PTPRD: variants seen among roughly 807,000 people sequenced by gnomAD.
PTPRD encodes receptor-type tyrosine-protein phosphatase delta.
PTPRD carries 34 observed loss-of-function variants against 214.5 expected under a neutral mutation model. The observed-to-expected ratio is 0.16, with a 90% CI of 0.12 to 0.21. The LOEUF (loss-of-function observed/expected upper bound fraction) is 0.21. PTPRD is among the 10% of genes least tolerant of loss of function. The probability of loss-of-function intolerance (pLI) is 1.00; values close to 1 mark genes in which losing one functional copy is unlikely to be tolerated. For synonymous variants in PTPRD, 1,128 were observed against 845.7 expected (o/e 1.33, Z -5.79); for missense variants, 2,545 against 2,398.7 (o/e 1.06, Z -1.27).
intron 2 of PTPRD, among the ~76,000 whole-genome samples, chr9:10,482,303 G>A (rs1310758862): frequency 2.6e-5 from 4 of 152,050 alleles, no homozygotes; most frequent in East Asian, 3.9e-4. Context: ...CCCGGGAGGT[G>A]GAGCTTACAG....
intron 14 of PTPRD, among the ~76,000 whole-genome samples, chr9:8,556,028 G>A (rs1363427464): frequency 1.3e-5 from 2 of 152,186 alleles, no homozygotes; most frequent in African/African-American, 4.8e-5. Context: ...GATCTGGAAA[G>A]AGCATGCTAC....
At chr9:8,445,103 C>G (rs1313046274) in intron 34 of PTPRD, among the ~76,000 whole-genome samples, 2 of 152,138 alleles carry the variant, frequency 1.3e-5, no homozygotes, top group African/African-American at 2.4e-5. Flanking sequence ...CCATCTTATT[C>G]CACTATCTGT....
In PTPRD at chr9:8,935,410, C is replaced by T. The variant is rs55808864; in HGVS notation, c.-104+83287G>A. Reference sequence around the variant, plus strand: ...TTAAGGATAAATTTAACCAGTGAATCGAAAGATCTGTACATAGAAAACACT... The same window carrying T: ...TTAAGGATAAATTTAACCAGTGAATTGAAAGATCTGTACATAGAAAACACT... On this transcript the variant is annotated intron_variant, in intron 11 of 45. Coordinates refer to ENST00000381196, the MANE Select transcript of PTPRD (RefSeq NM_002839.4). Among the ~76,000 whole-genome samples the T allele has an allele frequency of 6.3e-3, 347 of 55,154 alleles. 3 individuals carry two copies. Among genetic ancestry groups the T allele is most frequent in the South Asian group, 0.037 (41 of 1,106 alleles). The allele number at this position is 55,154 out of a possible 152,430, so 36.2% of individuals were successfully genotyped here.
At chr9:8,485,037 C>T (rs1419872192) in intron 29 of PTPRD, among the ~76,000 whole-genome samples, 190 bp downstream of exon 29, 3 of 152,174 alleles carry the variant, frequency 2.0e-5, no homozygotes, top group Non-Finnish European at 4.4e-5. Flanking sequence ...TAAGCTCCTG[C>T]TCCTTCTTCA....
At chr9:8,567,682 T>C (rs1458544231) in intron 14 of PTPRD, among the ~76,000 whole-genome samples, 1 of 152,218 alleles carries the variant, frequency 6.6e-6, no homozygotes, top group East Asian at 1.9e-4. Context: ...AAATTCAGTA[T>C]TTTTGGTACA....
At chr9:9,971,287 T>C (rs1458866492) in intron 4 of PTPRD, among the ~76,000 whole-genome samples, 3 of 152,164 alleles carry the variant, frequency 2.0e-5, no homozygotes, top group South Asian at 2.1e-4. Flanking sequence ...TAAATACAGA[T>C]GGATTTAAAT....
chr9:9,445,559 G>C (rs2090098905), intron 8 of PTPRD, among the ~76,000 whole-genome samples: 1 of 152,124 alleles, frequency 6.6e-6, no homozygotes, highest in Non-Finnish European at 1.5e-5. Context: ...ATGGCGGAAG[G>C]GGAAGCAAAC....
intron 12 of PTPRD, among the ~76,000 whole-genome samples, chr9:8,663,881 G>C (rs916008172): frequency 4.8e-5 from 7 of 147,182 alleles, no homozygotes; most frequent in African/African-American, 1.6e-4. Context: ...TACCAATTAA[G>C]TCTTCAAAGT....
At chr9:9,120,232 T>C (rs995444941) in intron 10 of PTPRD, among the ~76,000 whole-genome samples, 5 of 152,210 alleles carry the variant, frequency 3.3e-5, no homozygotes, top group Admixed American at 3.3e-4. Flanking sequence ...ACCAAATTTA[T>C]TTGAAGAAAG....
chr9:8,445,178 C>T (rs2095675756), intron 34 of PTPRD, among the ~76,000 whole-genome samples: 2 of 152,116 alleles, frequency 1.3e-5, no homozygotes, highest in African/African-American at 2.4e-5. Flanking sequence ...CCCATTTTAA[C>T]TTGGTAGTTA....
intron 39 of PTPRD, among the ~76,000 whole-genome samples, chr9:8,353,949 TATATATATATATATG>T (rs1308434158): frequency 1.7e-4 from 20 of 117,780 alleles, no homozygotes; most frequent in South Asian, 9.8e-4. Flanking sequence ...TATATATATA[TATATATATATATATG>T]TTTTTTTTTT....
At chr9:8,685,717 C>T (rs2097666220) in intron 12 of PTPRD, among the ~76,000 whole-genome samples, 1 of 152,174 alleles carries the variant, frequency 6.6e-6, no homozygotes, top group Admixed American at 6.5e-5. Context: ...TGTCAAGCAA[C>T]AGCACAGCCA....
chr9:10,410,357 C>A (rs1316352860), intron 2 of PTPRD, among the ~76,000 whole-genome samples: 1 of 149,408 alleles, frequency 6.7e-6, no homozygotes, highest in African/African-American at 2.4e-5. Flanking sequence ...CTCTCTGCAT[C>A]TCTATCTTAA....
intron 3 of PTPRD, among the ~76,000 whole-genome samples, chr9:10,234,351 T>C (rs1008806979): frequency 6.6e-6 from 1 of 151,936 alleles, no homozygotes; most frequent in African/African-American, 2.4e-5. Flanking sequence ...ATTTTGTAAA[T>C]TGATGGCTTT....
At chr9:9,357,786 T>A (rs2054398464) in intron 9 of PTPRD, among the ~76,000 whole-genome samples, 1 of 151,238 alleles carries the variant, frequency 6.6e-6, no homozygotes, top group Non-Finnish European at 1.5e-5. Context: ...CTCAAGCAAT[T>A]GGAATATATT....
At chr9:10,171,555 C>T (rs2099206045) in intron 3 of PTPRD, among the ~76,000 whole-genome samples, 1 of 152,098 alleles carries the variant, frequency 6.6e-6, no homozygotes, top group African/African-American at 2.4e-5. Context: ...GACAGACTCT[C>T]GCTCTGTCTC....
intron 7 of PTPRD, among the ~76,000 whole-genome samples, chr9:9,706,713 T>C (rs897984075): frequency 3.3e-5 from 5 of 152,060 alleles, no homozygotes; most frequent in African/African-American, 1.2e-4. Flanking sequence ...GTGCTAGCAT[T>C]GCAGGCATGA....
chr9:10,357,610 T>C (rs778610694), intron 2 of PTPRD, among the ~76,000 whole-genome samples: 1 of 152,242 alleles, frequency 6.6e-6, no homozygotes, highest in Non-Finnish European at 1.5e-5. Flanking sequence ...AGCATTATTA[T>C]ATCCTTTTGT....
chr9:9,999,465 C>A (rs979006653), intron 4 of PTPRD, among the ~76,000 whole-genome samples: 35 of 152,154 alleles, frequency 2.3e-4, no homozygotes, highest in African/African-American at 8.0e-4. Context: ...ATTAGAACTT[C>A]TTTTTAACAC....
Sources: gnomAD v4.1 joint callset for allele counts (sites outside exome capture counted in the v4.1 genomes callset) on GRCh38, gnomAD v4.1.1 for gene constraint, MANE v1.5 for transcripts, NCBI Gene and HGNC (gene_info 2026-07-23, HGNC 2026-07-21) for gene names.